SYT14: variants seen among roughly 807,000 people sequenced by gnomAD.
The protein encoded by SYT14 is synaptotagmin 14.
Under a neutral mutation model 74.2 loss-of-function variants are expected in SYT14, and 32 were observed. That is an observed-to-expected ratio of 0.43 (90% CI 0.33 to 0.58). SYT14 has a LOEUF of 0.58. SYT14 is among the 20% of genes least tolerant of loss of function. SYT14 has a pLI of 0.05. For synonymous variants in SYT14, 298 were observed against 337.7 expected (o/e 0.88, Z 1.29); for missense variants, 791 against 981.8 (o/e 0.81, Z 2.60).
chr1:210,057,433 C>G (rs927140176), intron 5 of SYT14, among the ~76,000 whole-genome samples: 3 of 152,290 alleles, frequency 2.0e-5, no homozygotes, highest in African/African-American at 7.2e-5. Flanking sequence ...TGCCAACACT[C>G]TCACAGATTA....
chr1:209,940,761 T>G (rs1323465710), intron 1 of SYT14, among the ~76,000 whole-genome samples: 3 of 152,196 alleles, frequency 2.0e-5, no homozygotes, highest in Non-Finnish European at 4.4e-5. Flanking sequence ...TAGAGTGTTT[T>G]CTAGATAAAA....
intron 7 of SYT14, among the ~76,000 whole-genome samples, chr1:210,143,098 G>A (rs930190589): frequency 3.5e-4 from 54 of 152,140 alleles, no homozygotes; most frequent in Non-Finnish European, 1.0e-4. Flanking sequence ...AGTTTTAGTA[G>A]TAAGGAAGAG....
intron 2 of SYT14, among the ~76,000 whole-genome samples, chr1:209,982,287 C>CCAGCTA (rs1216374997): frequency 1.3e-5 from 2 of 152,092 alleles, no homozygotes; most frequent in Non-Finnish European, 2.9e-5. Context: ...CCCAGAGTAG[C>CCAGCTA]CAGGACTACA....
intron 5 of SYT14, among the ~76,000 whole-genome samples, chr1:210,040,503 T>TA (rs2080765078): frequency 2.0e-5 from 3 of 152,062 alleles, no homozygotes; most frequent in South Asian, 2.1e-4. Context: ...ACCCAGAACT[T>TA]AAAGTGTAAT....
At chr1:210,085,360 A>G (rs144188988) in intron 5 of SYT14, among the ~76,000 whole-genome samples, 165 of 152,250 alleles carry the variant, frequency 1.1e-3, no homozygotes, top group African/African-American at 3.8e-3. Context: ...ATCATTTTAC[A>G]TCTTCTTTTT....
At chr1:210,107,146 C>G (rs1353418246) in intron 7 of SYT14, among the ~76,000 whole-genome samples, 1 of 152,200 alleles carries the variant, frequency 6.6e-6, no homozygotes, top group South Asian at 2.1e-4. Context: ...CATGCTGATG[C>G]AAGAGATGGG....
intron 5 of SYT14, among the ~76,000 whole-genome samples, chr1:210,078,258 T>C (rs61826854): frequency 0.054 from 7,051 of 129,680 alleles, 959 homozygotes; most frequent in East Asian, 0.44. Context: ...TGCAGTGAGC[T>C]GAGATCACGC....
chr1:209,986,876 C>T (rs2079579846), intron 2 of SYT14, among the ~76,000 whole-genome samples: 1 of 152,152 alleles, frequency 6.6e-6, no homozygotes, highest in African/African-American at 2.4e-5. Flanking sequence ...CCCACCTCAG[C>T]CTCCCAAAGT....
At chr1:210,082,913 A>G (rs1425104080) in intron 5 of SYT14, among the ~76,000 whole-genome samples, 1 of 152,232 alleles carries the variant, frequency 6.6e-6, no homozygotes, top group East Asian at 1.9e-4. Context: ...GATGTACTGA[A>G]TAAGATTGTA....
chr1:210,051,726 T>G (rs550066468), intron 5 of SYT14, among the ~76,000 whole-genome samples: 1 of 152,334 alleles, frequency 6.6e-6, no homozygotes, highest in South Asian at 2.1e-4. Context: ...CACAGAAATC[T>G]CCTTCCTTCT....
chr1:210,064,094 TATAC>T, intron 5 of SYT14, among the ~76,000 whole-genome samples: 1 of 152,152 alleles, frequency 6.6e-6, no homozygotes, highest in South Asian at 2.1e-4. Flanking sequence ...TGGTAAAATA[TATAC>T]GCAGCATACA....
At chr1:210,130,500 C>A (rs573825952) in intron 7 of SYT14, among the ~76,000 whole-genome samples, 1 of 152,266 alleles carries the variant, frequency 6.6e-6, no homozygotes, top group Non-Finnish European at 1.5e-5. Context: ...AAGAAACTGA[C>A]AAATTCATCA....
At chr1:210,064,624 T>A (rs1290818597) in intron 5 of SYT14, among the ~76,000 whole-genome samples, 1 of 152,096 alleles carries the variant, frequency 6.6e-6, no homozygotes, top group Admixed American at 6.6e-5. Context: ...AATAATATTC[T>A]GCTGTATGTA....
intron 4 of SYT14, among the ~76,000 whole-genome samples, chr1:210,018,811 TC>T (rs1465375836): frequency 1.4e-4 from 21 of 152,156 alleles, no homozygotes; most frequent in African/African-American, 5.1e-4. Flanking sequence ...GTACCTGTGT[TC>T]CAGGTTCTGA....
chr1:210,037,997 A>G (rs1357750942), intron 5 of SYT14, among the ~76,000 whole-genome samples: 1 of 151,140 alleles, frequency 6.6e-6, no homozygotes, highest in Non-Finnish European at 1.5e-5. Context: ...TTCTTTGTTG[A>G]TTTTCTCTCT....
At chr1:210,162,260 C>T (rs946710638) in exon 10 of SYT14, 2 of 433,916 alleles carry the variant, frequency 4.6e-6, no homozygotes, top group East Asian at 1.4e-4. Flanking sequence ...TAAATTTGCT[C>T]ATACAGCTTG....
rs141267706 is a variant in SYT14, at chr1:210,075,785, G to A, written c.1313-18537G>A. Among the ~76,000 whole-genome samples, 1,159 of 152,180 alleles carry A rather than the reference G, an allele frequency of 7.6e-3. 5 individuals are homozygous for A. Among genetic ancestry groups the A allele is most frequent in the Non-Finnish European group, 0.012 (843 of 68,016 alleles). On this transcript the variant is annotated intron_variant, in intron 5 of 9. Coordinates refer to ENST00000637265, the Ensembl canonical transcript of SYT14. The stretch of plus-strand genomic sequence containing the variant: ...GGGGTAGAGCCCTTACCAGGGACCT[G>A]CCTTTCCCTTCCCAGCACTTCCCTG...
intron 2 of SYT14, among the ~76,000 whole-genome samples, chr1:209,969,464 C>T (rs1262595794): frequency 1.3e-5 from 2 of 150,248 alleles, no homozygotes; most frequent in African/African-American, 4.9e-5. Flanking sequence ...AATGGTATCT[C>T]ATTGTGGGTT....
exon 10 of SYT14, chr1:210,162,075 C>T (rs1207702575): frequency 2.3e-6 from 1 of 439,466 alleles, no homozygotes; most frequent in African/African-American, 2.0e-5. Flanking sequence ...TTCACTCTTA[C>T]TTCAATTTAT....
Sources: gnomAD v4.1 joint callset for allele counts (sites outside exome capture counted in the v4.1 genomes callset) on GRCh38, gnomAD v4.1.1 for gene constraint, MANE v1.5 for transcripts, NCBI Gene and HGNC (gene_info 2026-07-23, HGNC 2026-07-21) for gene names.